Variants in CLVS2 observed in about 807,000 individuals in gnomAD.
CLVS2 encodes the protein clavesin-2.
In CLVS2, 19 loss-of-function variants were observed where a neutral mutation model predicts 29.0. The ratio of observed to expected loss-of-function variants is 0.66; its 90% CI spans 0.46 to 0.96. The LOEUF (loss-of-function observed/expected upper bound fraction) is 0.96, where lower values mean the gene tolerates loss of function less well. Ranked by LOEUF, CLVS2 falls within the 40% of genes least tolerant of loss-of-function variation. CLVS2 has a pLI of 0.00. For synonymous variants in CLVS2, 161 were observed against 151.3 expected (o/e 1.06, Z -0.47); for missense variants, 294 against 404.1 (o/e 0.73, Z 2.34).
intron 2 of CLVS2, among the ~76,000 whole-genome samples, chr6:123,001,020 T>C (rs1239281487): frequency 6.6e-6 from 1 of 152,218 alleles, no homozygotes; most frequent in Non-Finnish European, 1.5e-5. Flanking sequence ...AGAATTGATC[T>C]AACAAAAAGA....
intron 2 of CLVS2, among the ~76,000 whole-genome samples, chr6:123,010,075 T>G (rs1774727126): frequency 6.6e-6 from 1 of 152,080 alleles, no homozygotes. Flanking sequence ...ATTAAAAATT[T>G]TACTATGTAT....
Position 123,063,677 on chromosome 6 carries a change from T to C in CLVS2, c.900T>C (p.Ser300=), listed in dbSNP as rs757677439. ...ACGTTGGCTTTATCCTTTCCAGATC[T>C]CAATCAGTAGTGGATCCTACAGTAC... ...KELSPKSMKR[S]QSVVDPTVLK... Residue 300 remains serine, a synonymous_variant, in exon 6 of 6, where the codon TCT becomes TCC. Transcript: ENST00000275162. The C allele has an allele frequency of 2.5e-6, 4 of 1,598,796 alleles. No homozygotes were observed.
intron 3 of CLVS2, among the ~76,000 whole-genome samples, chr6:123,035,210 C>T (rs1162794066): frequency 6.6e-6 from 1 of 151,250 alleles, no homozygotes; most frequent in Non-Finnish European, 1.5e-5. Context: ...TAAAATCTAC[C>T]TATTTGTTAA....
At chr6:123,047,577 C>A (rs1187573830) in intron 3 of CLVS2, among the ~76,000 whole-genome samples, 1 of 151,986 alleles carries the variant, frequency 6.6e-6, no homozygotes, top group Non-Finnish European at 1.5e-5. Context: ...TAGGGTTATG[C>A]CCTGCAAGTC....
rs1413405489 is a variant in CLVS2, at chr6:123,069,272, A to C, written c.*5511A>C. 2.6e-5 allele frequency: 4 copies of C among 151,768 alleles called. No homozygotes were observed. In the East Asian group the frequency reaches 5.8e-4, roughly 22 times the overall value. The allele number at this position is 151,768 out of a possible 1,614,324, so 9.4% of individuals were successfully genotyped here. On this transcript the variant is annotated 3_prime_UTR_variant, in exon 6 of 6. Transcript: ENST00000275162. Reference sequence around the variant, plus strand: ...AATGACTGGATTAGGCAAGAGATTAAATTTAGAAATTTGAATTACAGAAAA... The same window carrying C: ...AATGACTGGATTAGGCAAGAGATTACATTTAGAAATTTGAATTACAGAAAA...
At chr6:123,022,512 A>C (rs1420166288) in intron 3 of CLVS2, among the ~76,000 whole-genome samples, 1 of 152,000 alleles carries the variant, frequency 6.6e-6, no homozygotes. Flanking sequence ...GAGATAAATT[A>C]TTCTTTTTCT....
At chr6:123,010,945 G>A (rs199681169) in intron 2 of CLVS2, 40 bp from the exon 3 acceptor site, 23 of 1,312,746 alleles carry the variant, frequency 1.8e-5, no homozygotes, top group Middle Eastern at 2.0e-4. Flanking sequence ...TTGGAAAAGT[G>A]GTTGTCAGAC....
At chr6:123,061,222 G>A (rs746780525) in intron 5 of CLVS2, among the ~76,000 whole-genome samples, 1 of 152,022 alleles carries the variant, frequency 6.6e-6, no homozygotes, top group African/African-American at 2.4e-5. Context: ...AGTTGAACCC[G>A]GGAGGCGGAG....
At chr6:123,016,339 T>TGGGGG (rs10665635) in intron 3 of CLVS2, among the ~76,000 whole-genome samples, 3 of 130,490 alleles carry the variant, frequency 2.3e-5, no homozygotes, top group Admixed American at 8.2e-5. Context: ...GTGCTTTTTT[T>TGGGGG]GGGGGGGAGG....
At chr6:123,007,719 T>C (rs531679899) in intron 2 of CLVS2, among the ~76,000 whole-genome samples, 1 of 152,316 alleles carries the variant, frequency 6.6e-6, no homozygotes, top group Non-Finnish European at 1.5e-5. Context: ...TACTGCATGC[T>C]ACACAGCATT....
chr6:123,013,157 CA>C, intron 3 of CLVS2, among the ~76,000 whole-genome samples: 1 of 152,144 alleles, frequency 6.6e-6, no homozygotes, highest in Non-Finnish European at 1.5e-5. Context: ...CTTTTTAAAT[CA>C]AGTCACTGTT....
At chr6:123,058,374 GTTC>G (rs1319273485) in intron 5 of CLVS2, among the ~76,000 whole-genome samples, 1 of 152,102 alleles carries the variant, frequency 6.6e-6, no homozygotes. Context: ...GTCCACTAGT[GTTC>G]TTCTTTGTCA....
At chr6:123,010,085 T>C (rs1178538429) in intron 2 of CLVS2, among the ~76,000 whole-genome samples, 1 of 152,060 alleles carries the variant, frequency 6.6e-6, no homozygotes, top group Non-Finnish European at 1.5e-5. Context: ...TTACTATGTA[T>C]TCAGGCTCTG....
intron 3 of CLVS2, among the ~76,000 whole-genome samples, chr6:123,027,151 AG>A (rs1209763765): frequency 6.6e-6 from 1 of 152,190 alleles, no homozygotes; most frequent in African/African-American, 2.4e-5. Context: ...CTGTTAGATA[AG>A]GGTCAAAATG....
chr6:123,070,937 C>T lies in CLVS2; in HGVS notation c.*7176C>T, dbSNP rs959526721. 2 of 151,992 alleles carry T rather than the reference C, an allele frequency of 1.3e-5. No individual in the cohort carries two copies. The highest frequency in any genetic ancestry group is 4.8e-5 in the African/African-American group (2 of 41,518). 9.4% of individuals were successfully genotyped at this position (151,992 alleles called of 1,614,324 possible). ...TTCCCTCATCTTCTTCAGGTATTTG[C>T]TTAAATGTCATCTTCTTTGTGAGGA... On this transcript the variant is annotated 3_prime_UTR_variant, in exon 6 of 6. Transcript: ENST00000275162.
Position 123,072,186 on chromosome 6 carries a change from G to A in CLVS2, c.*8425G>A, listed in dbSNP as rs1233925846. 3 of 151,932 alleles carry A rather than the reference G, an allele frequency of 2.0e-5. No individual in the cohort carries two copies. The highest frequency in any genetic ancestry group is 4.4e-5 in the Non-Finnish European group (3 of 67,952). 9.4% of individuals were successfully genotyped at this position (151,932 alleles called of 1,614,324 possible). Reference sequence around the variant, plus strand: ...CTTTCCCAACACTGTAATAATTTAAGCCTCCTGTTTTATAATCTTCTATCA... The same window carrying A: ...CTTTCCCAACACTGTAATAATTTAAACCTCCTGTTTTATAATCTTCTATCA... On this transcript the variant is annotated 3_prime_UTR_variant, in exon 6 of 6. Coordinates refer to ENST00000275162, the MANE Select transcript of CLVS2 (RefSeq NM_001010852.4).
intron 5 of CLVS2, among the ~76,000 whole-genome samples, chr6:123,057,600 T>G: frequency 6.6e-6 from 1 of 151,978 alleles, no homozygotes; most frequent in South Asian, 2.1e-4. Context: ...TGCCTCGGCC[T>G]CCAAAATACT....
At chr6:123,022,615 G>A (rs1774940244) in intron 3 of CLVS2, among the ~76,000 whole-genome samples, 1 of 151,742 alleles carries the variant, frequency 6.6e-6, no homozygotes, top group Non-Finnish European at 1.5e-5. Context: ...CCCCCCCCAG[G>A]GTAAAATATG....
intron 4 of CLVS2, among the ~76,000 whole-genome samples, chr6:123,050,418 T>C (rs1260784819): frequency 6.6e-6 from 1 of 152,210 alleles, no homozygotes. Flanking sequence ...TATATTGTTA[T>C]TTTTCTCATT....
Sources: gnomAD v4.1 joint callset for allele counts (sites outside exome capture counted in the v4.1 genomes callset) on GRCh38, gnomAD v4.1.1 for gene constraint, MANE v1.5 for transcripts, NCBI Gene and HGNC (gene_info 2026-07-23, HGNC 2026-07-21) for gene names.